GRAMD2B: variants seen among roughly 807,000 people sequenced by gnomAD.
GRAMD2B encodes the protein GRAM domain-containing protein 2B.
In GRAMD2B, 41 loss-of-function variants were observed where a neutral mutation model predicts 59.2. The observed-to-expected ratio is 0.69, with a 90% CI of 0.54 to 0.90. The LOEUF (loss-of-function observed/expected upper bound fraction) is 0.90, where lower values mean the gene tolerates loss of function less well. Ranked by LOEUF, GRAMD2B falls within the 40% of genes least tolerant of loss-of-function variation. The pLI, the probability that GRAMD2B is intolerant of heterozygous loss-of-function variation, is 0.00. For missense variants in GRAMD2B, 424 were observed against 500.5 expected, an observed-to-expected ratio of 0.85 and a Z score of 1.46; for synonymous variants, 161 against 182.7, an observed-to-expected ratio of 0.88 and a Z score of 0.96.
At chr5:126,455,242 A>G (rs1057193990) in intron 1 of GRAMD2B, among the ~76,000 whole-genome samples, 5 of 152,170 alleles carry the variant, frequency 3.3e-5, no homozygotes, top group African/African-American at 4.8e-5. Context: ...CCAGAAGCCC[A>G]TAGCTCATCA....
At chr5:126,436,669 G>A (rs192593868) in intron 1 of GRAMD2B, among the ~76,000 whole-genome samples, 18 of 152,236 alleles carry the variant, frequency 1.2e-4, no homozygotes, top group Non-Finnish European at 1.5e-5. Context: ...ATAATAATTA[G>A]GTCAGGTTCA....
chr5:126,371,289 A>G, upstream of GRAMD2B: 1 of 1,108,640 alleles, frequency 9.0e-7, no homozygotes, highest in South Asian at 2.1e-5. Context: ...ACTTTTAAAA[A>G]CATAGCCTCA....
chr5:126,480,580 T>C (rs759591253), intron 7 of GRAMD2B, 47 bp from the exon 8 acceptor site: 86 of 1,607,912 alleles, frequency 5.3e-5, no homozygotes, highest in Non-Finnish European at 7.2e-5. Flanking sequence ...GTATTTCTTA[T>C]GGTTTCATAG....
At chr5:126,366,846 CTTTT>C (rs59718576), upstream of GRAMD2B, among the ~76,000 whole-genome samples, 4 of 107,682 alleles carry the variant, frequency 3.7e-5, no homozygotes, top group Non-Finnish European at 7.2e-5. Context: ...CAGACCAAGG[CTTTT>C]TTTTTTTTTT....
intron 1 of GRAMD2B, among the ~76,000 whole-genome samples, chr5:126,436,335 A>G (rs1280240085): frequency 6.6e-6 from 1 of 152,178 alleles, no homozygotes; most frequent in Non-Finnish European, 1.5e-5. Context: ...ATTAGCATGT[A>G]TTAGGCATGA....
At chr5:126,397,332 C>T (rs914685652) in intron 1 of GRAMD2B, among the ~76,000 whole-genome samples, 7 of 152,186 alleles carry the variant, frequency 4.6e-5, no homozygotes, top group African/African-American at 1.4e-4. Flanking sequence ...TCAAGCCATG[C>T]TCCCATCTCA....
chr5:126,457,887 G>A lies in GRAMD2B; in HGVS notation c.84-7539G>A, dbSNP rs571275742. Among the ~76,000 whole-genome samples the A allele has an allele frequency of 4.7e-4, 71 of 152,102 alleles. 1 individual carries two copies. Among genetic ancestry groups the A allele is most frequent in the African/African-American group, 1.7e-3 (70 of 41,482 alleles). On this transcript the variant is annotated intron_variant, in intron 1 of 13. Transcript: ENST00000285689. The stretch of plus-strand genomic sequence containing the variant: ...GATTTGGACTCTGAAAAAATTGGGG[G>A]ATAAGTAGGGTTTCCTTCTCCATAA...
intron 1 of GRAMD2B, among the ~76,000 whole-genome samples, chr5:126,377,483 A>T (rs1480625563): frequency 1.3e-5 from 2 of 152,168 alleles, no homozygotes; most frequent in South Asian, 2.1e-4. Context: ...TAGTATTTTA[A>T]CTGCAAGTAT....
chr5:126,387,946 ACTT>A (rs963362671), intron 1 of GRAMD2B, among the ~76,000 whole-genome samples: 14 of 152,130 alleles, frequency 9.2e-5, no homozygotes, highest in Admixed American at 8.5e-4. Flanking sequence ...ACTTGAATGA[ACTT>A]CTTCTAATTC....
chr5:126,394,102 G>C (rs1468372686), intron 1 of GRAMD2B, among the ~76,000 whole-genome samples: 2 of 150,818 alleles, frequency 1.3e-5, no homozygotes, highest in African/African-American at 4.8e-5. Flanking sequence ...GTGAAACCCT[G>C]TCTCTACTAA....
intron 13 of GRAMD2B, among the ~76,000 whole-genome samples, chr5:126,490,736 A>G (rs976112634): frequency 6.6e-6 from 1 of 152,164 alleles, no homozygotes; most frequent in Admixed American, 6.5e-5. Flanking sequence ...ATGCTGTTGA[A>G]GGTCTTATAC....
intron 1 of GRAMD2B, among the ~76,000 whole-genome samples, chr5:126,429,797 A>G (rs1269392643): frequency 6.6e-6 from 1 of 152,224 alleles, no homozygotes; most frequent in Non-Finnish European, 1.5e-5. Flanking sequence ...ATTTCTTTGA[A>G]TCTAACCAGG....
chr5:126,488,733 A>G (rs1773409117), intron 12 of GRAMD2B, 66 bp from the exon 13 acceptor site: 1 of 1,074,618 alleles, frequency 9.3e-7, no homozygotes, highest in Non-Finnish European at 1.4e-6. Context: ...TAAATTTTAA[A>G]TGTGTTCATT....
At chr5:126,489,861 C>T (rs548743642) in intron 13 of GRAMD2B, among the ~76,000 whole-genome samples, 21 of 152,310 alleles carry the variant, frequency 1.4e-4, no homozygotes, top group African/African-American at 5.1e-4. Flanking sequence ...AGCTTTACAT[C>T]ATAGTACAGT....
intron 2 of GRAMD2B, among the ~76,000 whole-genome samples, chr5:126,467,072 T>C (rs1227426025): frequency 2.6e-5 from 4 of 152,030 alleles, no homozygotes; most frequent in Non-Finnish European, 5.9e-5. Context: ...GGTGGATAAC[T>C]TGAGGTCAGG....
chr5:126,469,187 T>C (rs753988954), intron 2 of GRAMD2B, among the ~76,000 whole-genome samples: 1 of 152,234 alleles, frequency 6.6e-6, no homozygotes, highest in Non-Finnish European at 1.5e-5. Flanking sequence ...AGTTTTTGAT[T>C]ACAGCCTGAT....
At chr5:126,444,263 C>T (rs1209568845) in intron 1 of GRAMD2B, among the ~76,000 whole-genome samples, 1 of 152,216 alleles carries the variant, frequency 6.6e-6, no homozygotes, top group Non-Finnish European at 1.5e-5. Flanking sequence ...GCAAACCATA[C>T]TGTGCAGATG....
At chr5:126,457,053 A>G (rs1766409557) in intron 1 of GRAMD2B, among the ~76,000 whole-genome samples, 2 of 152,064 alleles carry the variant, frequency 1.3e-5, no homozygotes, top group Middle Eastern at 3.4e-3. Flanking sequence ...TTAGCTGGGC[A>G]TGGTGGCAGG....
At chr5:126,477,378 G>T (rs1044477167) in intron 5 of GRAMD2B, among the ~76,000 whole-genome samples, 1 of 152,170 alleles carries the variant, frequency 6.6e-6, no homozygotes, top group African/African-American at 2.4e-5. Context: ...TTTCTTTAGA[G>T]CCTTGTGCTT....
Sources: gnomAD v4.1 joint callset for allele counts (sites outside exome capture counted in the v4.1 genomes callset) on GRCh38, gnomAD v4.1.1 for gene constraint, MANE v1.5 for transcripts, NCBI Gene and HGNC (gene_info 2026-07-23, HGNC 2026-07-21) for gene names.